KNL1: variants seen among roughly 807,000 people sequenced by gnomAD.
KNL1 encodes the protein outer kinetochore KNL1 complex subunit KNL1.
A neutral mutation model predicts 201.3 loss-of-function variants in KNL1; 66 were observed. That is an observed-to-expected ratio of 0.33 (90% confidence interval 0.27 to 0.40). The LOEUF (loss-of-function observed/expected upper bound fraction) is 0.40. KNL1 is among the 10% of genes least tolerant of loss of function. The pLI, the probability that KNL1 is intolerant of heterozygous loss-of-function variation, is 1.00. For synonymous variants in KNL1, 895 were observed against 899.2 expected (o/e 1.00, Z 0.08); for missense variants, 2,815 against 2,690.5 (o/e 1.05, Z -1.02).
chr15:40,622,798 T>A lies in KNL1; in HGVS notation c.2534T>A (p.Val845Asp), dbSNP rs768958029. The change falls in exon 10 of 26, where the codon GTC becomes GAC. Residue 845 changes from valine (V) to aspartate (D), a missense_variant. Physicochemically the swap from Val to Asp is radical, Grantham distance 152. This residue lies in a region of KNL1 where 2,464 missense variants were observed against 2,291.7 expected (regional missense o/e 1.08). Coordinates refer to ENST00000399668, the MANE Select transcript of KNL1 (RefSeq NM_144508.5). ...AAATTTCCAAAGGAAAAGCAAAATG[T>A]CAAAATTTGGGGAAGGAAAAGTGTT... ...KPKFPKEKQN[V>D]KIWGRKSVGG... 22 of 1,612,652 alleles carry A rather than the reference T, an allele frequency of 1.4e-5. No homozygotes were observed. The South Asian group carries it at 2.2e-4, about 16-fold the overall frequency.
At position 40,623,232 on chromosome 15, in the gene KNL1, T is replaced by A; in HGVS notation, c.2968T>A (p.Cys990Ser). ...AAGCCTAGGAACACCAACAGTGATATGTACTCCTACTGAGGAGAGTGTTTT... is the reference window on the plus strand; with the variant it reads ...AAGCCTAGGAACACCAACAGTGATAAGTACTCCTACTGAGGAGAGTGTTTT... Reference protein sequence around the residue: ...RKSLGTPTVICTPTEESVFFP... With the variant: ...RKSLGTPTVISTPTEESVFFP... Residue 990 changes from cysteine to serine, a missense_variant, in exon 10 of 26, where the codon TGT becomes AGT. By Grantham distance (112) the Cys-to-Ser change is moderately radical. Coordinates refer to ENST00000399668, the MANE Select transcript of KNL1 (RefSeq NM_144508.5). The A allele has an allele frequency of 7.4e-6, 12 of 1,613,930 alleles. No homozygotes were observed. Among genetic ancestry groups the A allele is most frequent in the Non-Finnish European group, 1.0e-5 (12 of 1,179,866 alleles).
intron 2 of KNL1, among the ~76,000 whole-genome samples, chr15:40,603,169 C>T (rs1403119925): frequency 1.3e-5 from 2 of 151,940 alleles, no homozygotes; most frequent in African/African-American, 4.8e-5. Flanking sequence ...ATACATGTGC[C>T]ATGTTGGTTT....
intron 21 of KNL1, among the ~76,000 whole-genome samples, 198 bp downstream of exon 21, chr15:40,652,303 C>T (rs1004528642): frequency 2.0e-5 from 3 of 151,964 alleles, no homozygotes; most frequent in Admixed American, 6.6e-5. Flanking sequence ...AATTAGTGAA[C>T]GTTGCCCTTT....
At chr15:40,634,332 C>G (rs1892996476) in intron 13 of KNL1, among the ~76,000 whole-genome samples, 1 of 152,162 alleles carries the variant, frequency 6.6e-6, no homozygotes, top group African/African-American at 2.4e-5. Flanking sequence ...GTCTCGAACT[C>G]TTGACCTCGT....
intron 8 of KNL1, among the ~76,000 whole-genome samples, chr15:40,616,381 C>A (rs532227710): frequency 6.6e-6 from 1 of 152,144 alleles, no homozygotes; most frequent in Non-Finnish European, 1.5e-5. Context: ...CCCGCCTCGG[C>A]CTCCCAAAGT....
chr15:40,627,513 C>CAAAA (rs543656517), intron 10 of KNL1, among the ~76,000 whole-genome samples: 1 of 68,814 alleles, frequency 1.5e-5, no homozygotes, highest in Non-Finnish European at 3.1e-5. Flanking sequence ...GACTCCGCCT[C>CAAAA]AAAAAAAAAA....
At position 40,598,757 on chromosome 15, in the gene KNL1, A is replaced by G. The variant is rs549014598; in HGVS notation, c.-17-4158A>G. Among the ~76,000 whole-genome samples, 29 of 152,270 alleles carry G rather than the reference A, an allele frequency of 1.9e-4. 1 individual carries two copies. Among genetic ancestry groups the G allele is most frequent in the African/African-American group, 7.0e-4 (29 of 41,546 alleles). On this transcript the variant is annotated intron_variant, in intron 1 of 25. Coordinates refer to ENST00000399668, the MANE Select transcript of KNL1 (RefSeq NM_144508.5). ...TTTCCTATTAGTTTTTTGAATATAT[A>G]CTGTTAACTTACCTTCTATTTCTCG...
At chr15:40,612,927 T>TA in intron 7 of KNL1, among the ~76,000 whole-genome samples, 1 of 152,324 alleles carries the variant, frequency 6.6e-6, no homozygotes, top group Middle Eastern at 3.4e-3. Flanking sequence ...TTCAGAATTT[T>TA]AAATGCACAT....
rs1892611959 is a variant in KNL1 at position 40,623,299 on chromosome 15, A to G, written c.3035A>G (p.Asp1012Gly). The G allele has an allele frequency of 6.2e-7, 1 of 1,613,812 alleles. No homozygotes were observed. The highest frequency in any genetic ancestry group is 8.5e-7 in the Non-Finnish European group (1 of 1,179,858). ...GAAAGTGACCGTCTAGTAGCAAATG[A>G]CAGCCAGCTAACCCCTCTGGAGGAA... Reference protein sequence around the residue: ...NGESDRLVANDSQLTPLEEWS... With the variant: ...NGESDRLVANGSQLTPLEEWS... The change falls in exon 10 of 26, where the codon GAC becomes GGC. Residue 1012 changes from aspartate (D) to glycine (G), a missense_variant. Around this residue, in one of 3 missense-constraint regions of KNL1, gnomAD observed 2,464 missense variants for 2,291.7 expected, o/e 1.08. Transcript: ENST00000399668.
intron 1 of KNL1, among the ~76,000 whole-genome samples, chr15:40,596,992 C>G (rs1891637927): frequency 2.0e-5 from 2 of 97,648 alleles, no homozygotes; most frequent in Admixed American, 1.2e-4. Flanking sequence ...AAGAGTGAAA[C>G]TCCATCTCAA....
At position 40,645,697 on chromosome 15, in the gene KNL1, T is replaced by C; in HGVS notation, c.5931T>C (p.Cys1977=). 6.2e-7 allele frequency: 1 copy of C among 1,610,522 alleles called. No homozygotes were observed. Among genetic ancestry groups the C allele is most frequent in the Non-Finnish European group, 8.5e-7 (1 of 1,178,950 alleles). The change falls in exon 16 of 26, where the codon TGT becomes TGC. Residue 1977 remains cysteine (C), a synonymous_variant. Coordinates refer to ENST00000399668, the MANE Select transcript of KNL1 (RefSeq NM_144508.5). ...TTTATCTTAACAAAATAAAGTCATG[T>C]TTTACCAAGATGACTAAAGTCTTCA... ...FGIYLNKIKS[C]FTKMTKVFTH... is the part of the protein sequence containing the mutation.
chr15:40,624,013 C>G lies in KNL1; in HGVS notation c.3749C>G (p.Ala1250Gly). 6.2e-7 allele frequency: 1 copy of G among 1,613,864 alleles called. No homozygotes were observed. Among genetic ancestry groups the G allele is most frequent in the Non-Finnish European group, 8.5e-7 (1 of 1,179,886 alleles). Residue 1250 changes from alanine (A) to glycine (G), a missense_variant, in exon 10 of 26, where the codon GCT becomes GGT. Transcript: ENST00000399668. ...AATGAAATCATCAAATTTCATAGTG[C>G]TGCTATGGATGAAAAGGTCATAGGG... is the stretch of plus-strand genomic sequence containing the variant. The part of the protein sequence containing the change: ...TTNEIIKFHS[A>G]AMDEKVIGKV...
chr15:40,641,197 C>A (rs528643123), intron 14 of KNL1, among the ~76,000 whole-genome samples, 170 bp downstream of exon 14: 45 of 152,278 alleles, frequency 3.0e-4, no homozygotes, highest in African/African-American at 1.0e-3. Flanking sequence ...GATTGAAGCT[C>A]AGTCTTGGCT....
rs116578977 is a variant in KNL1 at position 40,602,862 on chromosome 15, G to T, written c.-17-53G>T. ...TGTACTCTTAATCTTTTCTTAGACT[G>T]TAGTTGCTCTTCCTTTTTCCTCATG... On this transcript the variant is annotated intron_variant, in intron 1 of 25. Transcript: ENST00000399668. The T allele has an allele frequency of 3.7e-3, 3,582 of 958,440 alleles. 94 individuals carry two copies. In the African/African-American group the frequency reaches 0.05, roughly 13 times the overall value. The allele number at this position is 958,440 out of a possible 1,614,324, so 59.4% of individuals were successfully genotyped here.
intron 4 of KNL1, among the ~76,000 whole-genome samples, chr15:40,608,431 T>G: frequency 7.9e-6 from 1 of 126,270 alleles, no homozygotes; most frequent in Non-Finnish European, 1.6e-5. Flanking sequence ...AAAACCGTCT[T>G]GGAAAAAAAA....
At chr15:40,655,149 C>A (rs1280315451) in intron 22 of KNL1, among the ~76,000 whole-genome samples, 172 bp downstream of exon 22, 2 of 150,918 alleles carry the variant, frequency 1.3e-5, no homozygotes, top group Admixed American at 1.3e-4. Context: ...AATACAAAAA[C>A]TAGCCGGGTG....
Position 40,645,754 on chromosome 15 carries a change from G to A in KNL1, c.5988G>A (p.Lys1996=). The change falls in exon 16 of 26, where the codon AAG becomes AAA. Residue 1996 remains lysine (K), a synonymous_variant. Transcript: ENST00000399668. The part of the protein sequence containing the change: ...THQGKVALYG[K]LVQSAQNERE... ...AAGGAAAAGTGGCTCTGTATGGCAA[G>A]CTGGTGCAGTCAGCTCAGGTAATTT... 6.3e-7 allele frequency: 1 copy of A among 1,597,654 alleles called. No individual in the cohort carries two copies. Among genetic ancestry groups the A allele is most frequent in the Non-Finnish European group, 8.6e-7 (1 of 1,169,408 alleles).
In KNL1 at chr15:40,621,356, T is replaced by C; in HGVS notation, c.1092T>C (p.Phe364=). ...GTKASGNKTV[F]KSKQNTAFQD... ...AAGCTTCAGGAAATAAAACAGTTTT[T>C]AAGAGTAAACAAAATACTGCTTTTC... The change falls in exon 10 of 26, where the codon TTT becomes TTC. Residue 364 remains phenylalanine (F), a synonymous_variant. Transcript: ENST00000399668. The C allele has an allele frequency of 6.2e-7, 1 of 1,612,126 alleles. No individual in the cohort carries two copies. The highest frequency in any genetic ancestry group is 8.5e-7 in the Non-Finnish European group (1 of 1,178,894).
At chr15:40,659,980 G>C (rs1181343364) in intron 25 of KNL1, among the ~76,000 whole-genome samples, 1 of 150,154 alleles carries the variant, frequency 6.7e-6, no homozygotes, top group Non-Finnish European at 1.5e-5. Context: ...GCACGATCTC[G>C]GCTCACTGCA....
Sources: allele counts gnomAD v4.1 joint callset (sites outside exome capture counted in the v4.1 genomes callset), GRCh38; gene constraint gnomAD v4.1.1; regional missense constraint gnomAD v4.1.1; transcripts MANE v1.5; gene names NCBI Gene and HGNC (gene_info 2026-07-23, HGNC 2026-07-21).